Variants in COL2A1 observed in about 807,000 individuals in gnomAD.
COL2A1 encodes collagen alpha-1(II) chain.
In COL2A1, 28 loss-of-function variants were observed where a neutral mutation model predicts 204.5. That is an observed-to-expected ratio of 0.14 (90% confidence interval 0.10 to 0.19). COL2A1 has a LOEUF of 0.19. Among genes scored for constraint, COL2A1 ranks in the 10% least tolerant of loss-of-function variants. The pLI is 1.00. For synonymous variants in COL2A1, 708 were observed against 718.7 expected, an observed-to-expected ratio of 0.99 and a Z score of 0.24; for missense variants, 1,388 against 2,027.5, an observed-to-expected ratio of 0.68 and a Z score of 6.06.
At position 47,976,410 on chromosome 12, in the gene COL2A1, G is replaced by T; in HGVS notation, c.3489+104C>A. The T allele has an allele frequency of 1.5e-6, 2 of 1,346,582 alleles. No homozygotes were observed. Among genetic ancestry groups the T allele is most frequent in the Non-Finnish European group, 2.1e-6 (2 of 940,030 alleles). 83.4% of individuals were successfully genotyped at this position (1,346,582 alleles called of 1,614,324 possible). On this transcript the variant is annotated intron_variant, in intron 49 of 53. Coordinates refer to ENST00000380518, the MANE Select transcript of COL2A1 (RefSeq NM_001844.5). This position sits in a 1 kb window ranked among gnomAD's most constrained non-coding sequence, Gnocchi z 4.3. ...CCCCCATTACTGAGTGAGGACCCCT[G>T]AGCCCACAGCTTCCCCAGAAGCAGC...
At chr12:47,992,199 C>T (rs1939740366) in intron 16 of COL2A1, among the ~76,000 whole-genome samples, 1 of 152,210 alleles carries the variant, frequency 6.6e-6, no homozygotes, top group East Asian at 1.9e-4. Flanking sequence ...ACCCTGCACC[C>T]TCCATCAGCT....
rs892380238 is a variant in COL2A1 at position 47,980,473 on chromosome 12, C to A, written c.2625+81G>T. ...TCCCAGGCCTGCGAACCATCCTCTGCGCAGCCTGCTGGGGCCTTCCCATCT... is the reference window on the plus strand; with the variant it reads ...TCCCAGGCCTGCGAACCATCCTCTGAGCAGCCTGCTGGGGCCTTCCCATCT... On this transcript the variant is annotated intron_variant, in intron 39 of 53. Transcript: ENST00000380518. This position sits in a 1 kb window ranked among gnomAD's most constrained non-coding sequence, Gnocchi z 4.5. 1 of 1,286,216 alleles carries A rather than the reference C, an allele frequency of 7.8e-7. No homozygotes were observed. Among genetic ancestry groups the A allele is most frequent in the East Asian group, 2.5e-5 (1 of 39,862 alleles). 79.7% of individuals were successfully genotyped at this position (1,286,216 alleles called of 1,614,324 possible).
intron 1 of COL2A1, chr12:48,002,810 C>A (rs571844305): frequency 6.6e-6 from 1 of 152,416 alleles, no homozygotes; most frequent in South Asian, 2.1e-4. Flanking sequence ...TCCAGCTTAG[C>A]GCACTACCGG....
chr12:47,977,460 A>C lies in COL2A1; in HGVS notation c.3166-33T>G, dbSNP rs1484599968. ...GAGAGAGGTCTCAGGCTCAGAGAAG[A>C]ATGTTCCAGAAGAGACAGGAACAGA... On this transcript the variant is annotated intron_variant, in intron 45 of 53. Transcript: ENST00000380518. 3.8e-6 allele frequency: 6 copies of C among 1,592,838 alleles called. No individual in the cohort carries two copies. In the South Asian group the frequency reaches 6.6e-5, roughly 18 times the overall value.
Position 48,004,205 on chromosome 12 carries a change from A to G in COL2A1, c.85+32T>C. The G allele has an allele frequency of 2.8e-6, 4 of 1,418,048 alleles. No individual in the cohort carries two copies. The South Asian group carries it at 4.9e-5, about 17-fold the overall frequency. The allele number at this position is 1,418,048 out of a possible 1,614,324, so 87.8% of individuals were successfully genotyped here. A position where few individuals can be genotyped will look rare whatever the true frequency, so the allele number is the denominator to read the frequency against. The stretch of plus-strand genomic sequence containing the variant: ...GGATGCTGAGGGACGCATGGAAAGC[A>G]GGCAGGCAGGCAGGGGCGGGGGAAG... On this transcript the variant is annotated intron_variant, in intron 1 of 53. Transcript: ENST00000380518.
Position 47,976,734 on chromosome 12 carries a change from C to T in COL2A1, c.3435+78G>A. ...ACTGCTTAGGGTGATCCCAAGCTGT[C>T]CTGGCAGCACAGGGAGCTCAAGTGG... On this transcript the variant is annotated intron_variant, in intron 48 of 53. Transcript: ENST00000380518. This position sits in a 1 kb window ranked among gnomAD's most constrained non-coding sequence, Gnocchi z 4.3. The T allele has an allele frequency of 6.9e-7, 1 of 1,447,192 alleles. No homozygotes were observed. The highest frequency in any genetic ancestry group is 1.2e-5 in the South Asian group (1 of 84,466). 89.6% of individuals were successfully genotyped at this position (1,447,192 alleles called of 1,614,324 possible).
Position 47,980,787 on chromosome 12 carries a change from G to A in COL2A1, c.2518-126C>T. The A allele has an allele frequency of 7.2e-7, 1 of 1,386,230 alleles. No homozygotes were observed. The allele number at this position is 1,386,230 out of a possible 1,614,324, so 85.9% of individuals were successfully genotyped here. On this transcript the variant is annotated intron_variant, in intron 38 of 53. Transcript: ENST00000380518. The surrounding 1 kb of genome is among the most constrained non-coding windows in gnomAD (Gnocchi z 4.5). ...TGGTCTGGACATGATGGTTCTATTA[G>A]TATGGAGGCGGGAAAGGAGAGGAGA...
chr12:47,975,710 TGGGTG>T, intron 50 of COL2A1, 105 bp from the exon 51 acceptor site: 1 of 1,271,464 alleles, frequency 7.9e-7, no homozygotes, highest in Non-Finnish European at 1.1e-6. Flanking sequence ...CCCAGCCCCA[TGGGTG>T]GGGCGGAGGT....
rs1287986781 is a variant in COL2A1, at chr12:47,974,699, T to C, written c.4050A>G (p.Gly1350=). The C allele has an allele frequency of 6.2e-7, 1 of 1,614,070 alleles. No individual in the cohort carries two copies. The highest frequency in any genetic ancestry group is 8.5e-7 in the Non-Finnish European group (1 of 1,180,042). Residue 1350 remains glycine, a synonymous_variant, in exon 52 of 54, where the codon GGA becomes GGG. Transcript: ENST00000380518. ...CATGGAAGCCACCATTGATGGTTTC[T>C]CCAAACCAGATGTGTTTCTTCTCCT... ...KSKEKKHIWF[G]ETINGGFHFS... is the part of the protein sequence containing the mutation.
chr12:47,996,028 T>C, intron 8 of COL2A1, 109 bp from the exon 9 acceptor site: 1 of 886,100 alleles, frequency 1.1e-6, no homozygotes, highest in South Asian at 1.3e-5. Context: ...GAAGTTACTC[T>C]GTGGGCAAGG....
rs919395040 is a variant in COL2A1, at chr12:47,995,370, C to A, written c.709-62G>T. 17 of 1,398,942 alleles carry A rather than the reference C, an allele frequency of 1.2e-5. No individual in the cohort carries two copies. In the African/African-American group the frequency reaches 2.0e-4, roughly 16 times the overall value. The allele number at this position is 1,398,942 out of a possible 1,614,324, so 86.7% of individuals were successfully genotyped here. ...AGTGGGAAGACACCTAAGCAATGGA[C>A]AAAACTTTGACATTGTAGTTTTGGA... On this transcript the variant is annotated intron_variant, in intron 10 of 53. Transcript: ENST00000380518.
In COL2A1 at chr12:47,975,368, G is replaced by A. The variant is rs898197715; in HGVS notation, c.3835C>T (p.Pro1279Ser). The change falls in exon 51 of 54, where the codon CCT (proline) becomes TCT (serine). Residue 1279 changes from proline (P) to serine (S), a missense_variant. Coordinates refer to ENST00000380518, the MANE Select transcript of COL2A1 (RefSeq NM_001844.5). ...TTCAGGTCTCTGCAGGTGCGAGCAG[G>A]GTTCTTGCGGGAGCCCTCGGGGCTG... ...IRSPEGSRKN[P>S]ARTCRDLKLC... The A allele has an allele frequency of 6.2e-7, 1 of 1,614,074 alleles. No homozygotes were observed. Among genetic ancestry groups the A allele is most frequent in the Non-Finnish European group, 8.5e-7 (1 of 1,180,052 alleles).
chr12:47,992,033 G>A (rs1939732522), intron 16 of COL2A1, among the ~76,000 whole-genome samples: 1 of 152,242 alleles, frequency 6.6e-6, no homozygotes, highest in Non-Finnish European at 1.5e-5. Context: ...GCAAGGACCT[G>A]TGAGGAGGGG....
At chr12:47,979,726 G>A (rs1007642803) in intron 40 of COL2A1, among the ~76,000 whole-genome samples, 162 bp from the exon 41 acceptor site, 1 of 152,184 alleles carries the variant, frequency 6.6e-6, no homozygotes, top group African/African-American at 2.4e-5. Flanking sequence ...CCCCGGGTCT[G>A]GTCATAGAAG....
At position 47,981,773 on chromosome 12, in the gene COL2A1, C is replaced by T. The variant is rs1245199816; in HGVS notation, c.2409+3G>A. 3 of 1,553,252 alleles carry T rather than the reference C, an allele frequency of 1.9e-6. No individual in the cohort carries two copies. Among genetic ancestry groups the T allele is most frequent in the African/African-American group, 1.4e-5 (1 of 73,226 alleles). ...TGTGGAGAGGAAAGGAGCCGGGACT[C>T]ACCTTCTCGCCATTAGCACCAGCTG... is the stretch of plus-strand genomic sequence containing the variant. On this transcript the variant is annotated splice_donor_region_variant and intron_variant, in intron 36 of 53. Transcript: ENST00000380518.
At position 47,987,872 on chromosome 12, in the gene COL2A1, G is replaced by A. The variant is rs139521437; in HGVS notation, c.1123-163C>T. Among the ~76,000 whole-genome samples, 101 of 152,276 alleles carry A rather than the reference G, an allele frequency of 6.6e-4. No individual in the cohort carries two copies. The highest frequency in any genetic ancestry group is 2.3e-3 in the African/African-American group (94 of 41,536). ...GCGTTCACACACAGTTCACGCTGCC[G>A]TTTTTCTCCCTGCCTGACCGAGCTG... On this transcript the variant is annotated intron_variant, in intron 18 of 53. Transcript: ENST00000380518. The surrounding 1 kb of genome is among the most constrained non-coding windows in gnomAD (Gnocchi z 4.1).
chr12:47,991,119 T>G (rs1939679720), intron 16 of COL2A1, among the ~76,000 whole-genome samples: 1 of 152,204 alleles, frequency 6.6e-6, no homozygotes, highest in African/African-American at 2.4e-5. Flanking sequence ...GCTTCAGGAT[T>G]GGCCACAGCC....
chr12:47,986,180 C>T (rs1365496446), intron 23 of COL2A1, among the ~76,000 whole-genome samples, 156 bp downstream of exon 23: 2 of 152,170 alleles, frequency 1.3e-5, no homozygotes, highest in Non-Finnish European at 2.9e-5. Context: ...CGGCACAAAT[C>T]AGGATCAGAC....
At position 47,999,912 on chromosome 12, in the gene COL2A1, T is replaced by G. The variant is rs1940151167; in HGVS notation, c.292+7A>C. The G allele has an allele frequency of 6.2e-7, 1 of 1,612,092 alleles. No homozygotes were observed. The highest frequency in any genetic ancestry group is 1.3e-5 in the African/African-American group (1 of 74,856). On this transcript the variant is annotated splice_region_variant and intron_variant, in intron 2 of 53. Coordinates refer to ENST00000380518, the MANE Select transcript of COL2A1 (RefSeq NM_001844.5). ...TTATGTTGAACAGGAAATAAATAAA[T>G]TACAACCACTGGCAGTGGCGAGGTC... is the stretch of plus-strand genomic sequence containing the variant.
Sources: allele counts gnomAD v4.1 joint callset (sites outside exome capture counted in the v4.1 genomes callset), GRCh38; gene constraint gnomAD v4.1.1; non-coding constraint Gnocchi (gnomAD v3.1); transcripts MANE v1.5; gene names NCBI Gene and HGNC (gene_info 2026-07-23, HGNC 2026-07-21).